The following LRRC4C variants were observed in gnomAD, a reference collection of about 807,000 sequenced individuals.
LRRC4C encodes leucine-rich repeat-containing protein 4C.
In LRRC4C, 5 loss-of-function variants were observed where a neutral mutation model predicts 33.6. That is an observed-to-expected ratio of 0.15 (90% CI 0.08 to 0.31). The LOEUF is 0.31. Among genes scored for constraint, LRRC4C ranks in the 10% least tolerant of loss-of-function variants. The pLI is 1.00. For missense variants in LRRC4C, 560 were observed against 796.7 expected, an observed-to-expected ratio of 0.70 and a Z score of 3.58; for synonymous variants, 329 against 302.0, an observed-to-expected ratio of 1.09 and a Z score of -0.93.
intron 3 of LRRC4C, among the ~76,000 whole-genome samples, chr11:40,392,040 G>T (rs1949357720): frequency 6.6e-6 from 1 of 152,106 alleles, no homozygotes; most frequent in Admixed American, 6.6e-5. Context: ...GAGGAAGCCA[G>T]TATAAAAAGG....
intron 1 of LRRC4C, among the ~76,000 whole-genome samples, chr11:41,422,381 A>G (rs748676684): frequency 5.3e-5 from 8 of 152,036 alleles, no homozygotes; most frequent in African/African-American, 1.9e-4. Context: ...CTGTAGGGAG[A>G]TCTGCCAGTG....
chr11:40,991,114 A>C (rs71484188), intron 1 of LRRC4C, among the ~76,000 whole-genome samples: 2 of 150,964 alleles, frequency 1.3e-5, no homozygotes, highest in Non-Finnish European at 2.9e-5. Flanking sequence ...ATTATTTATC[A>C]CTATGATAAA....
intron 3 of LRRC4C, among the ~76,000 whole-genome samples, chr11:40,627,889 A>G (rs1004569662): frequency 6.6e-6 from 1 of 152,156 alleles, no homozygotes; most frequent in African/African-American, 2.4e-5. Context: ...TTCTGGTGAA[A>G]GAGTCACGTA....
intron 3 of LRRC4C, among the ~76,000 whole-genome samples, chr11:40,556,041 G>C (rs1424136570): frequency 2.0e-5 from 3 of 151,886 alleles, no homozygotes; most frequent in Non-Finnish European, 4.4e-5. Flanking sequence ...TCGGTCTTTA[G>C]ACTTTCCTCC....
intron 1 of LRRC4C, among the ~76,000 whole-genome samples, chr11:41,124,948 G>A (rs1401479580): frequency 6.6e-6 from 1 of 152,102 alleles, no homozygotes; most frequent in East Asian, 1.9e-4. Context: ...ACCCCATCAG[G>A]AATATGAGAA....
At chr11:40,534,688 T>C (rs530862038) in intron 3 of LRRC4C, among the ~76,000 whole-genome samples, 1 of 152,232 alleles carries the variant, frequency 6.6e-6, no homozygotes, top group Non-Finnish European at 1.5e-5. Flanking sequence ...TTTTTCACTA[T>C]AGGCCTCAAT....
chr11:41,244,614 C>T lies in LRRC4C; in HGVS notation c.-496+214817G>A, dbSNP rs1166323072. Among the ~76,000 whole-genome samples, 4 of 152,154 alleles carry T rather than the reference C, an allele frequency of 2.6e-5. No individual in the cohort carries two copies. In the South Asian group the frequency reaches 6.2e-4, roughly 24 times the overall value. ...CAGTAGAGGAGAAGGTCTTATACTG[C>T]TTGAATTACAAACTTTTCTTTTTGG... On this transcript the variant is annotated intron_variant, in intron 1 of 6. Transcript: ENST00000528697.
At chr11:40,811,144 C>T (rs1951470651) in intron 2 of LRRC4C, among the ~76,000 whole-genome samples, 1 of 152,104 alleles carries the variant, frequency 6.6e-6, no homozygotes, top group Admixed American at 6.6e-5. Flanking sequence ...ATTTCTCAAG[C>T]TTTCTTTTTC....
intron 1 of LRRC4C, among the ~76,000 whole-genome samples, chr11:41,060,738 A>G (rs2135360723): frequency 6.6e-6 from 1 of 152,218 alleles, no homozygotes; most frequent in Middle Eastern, 3.4e-3. Flanking sequence ...CCTTCTTAAA[A>G]CTATTTTTAT....
intron 1 of LRRC4C, among the ~76,000 whole-genome samples, chr11:41,174,768 A>G (rs190491291): frequency 6.6e-6 from 1 of 152,046 alleles, no homozygotes; most frequent in Non-Finnish European, 1.5e-5. Flanking sequence ...CTCTTTCTTG[A>G]GCCCTAATTT....
intron 1 of LRRC4C, among the ~76,000 whole-genome samples, chr11:41,444,031 A>G (rs1955741074): frequency 6.6e-6 from 1 of 152,190 alleles, no homozygotes; most frequent in Admixed American, 6.5e-5. Context: ...GCCTCAGAGC[A>G]GTCTGATATT....
chr11:40,477,016 C>A (rs1953270260), intron 3 of LRRC4C, among the ~76,000 whole-genome samples: 1 of 151,988 alleles, frequency 6.6e-6, no homozygotes, highest in East Asian at 1.9e-4. Flanking sequence ...CTTTTAAATT[C>A]CAGCAATAAT....
chr11:41,345,826 C>T (rs1386996952), intron 1 of LRRC4C, among the ~76,000 whole-genome samples: 1 of 152,084 alleles, frequency 6.6e-6, no homozygotes, highest in East Asian at 1.9e-4. Context: ...AAAAAGCTAG[C>T]TTCCTGATGA....
At chr11:40,452,373 T>C (rs563501177) in intron 3 of LRRC4C, among the ~76,000 whole-genome samples, 8 of 152,202 alleles carry the variant, frequency 5.3e-5, no homozygotes, top group African/African-American at 1.9e-4. Flanking sequence ...GGGTGAAGGA[T>C]ATGAACAGAC....
At chr11:40,955,507 C>A (rs969607845) in intron 1 of LRRC4C, among the ~76,000 whole-genome samples, 1 of 151,530 alleles carries the variant, frequency 6.6e-6, no homozygotes, top group African/African-American at 2.4e-5. Flanking sequence ...ATAAATATAC[C>A]TTTTCTTAAT....
At chr11:40,487,670 A>T (rs1006071727) in intron 3 of LRRC4C, among the ~76,000 whole-genome samples, 4 of 152,116 alleles carry the variant, frequency 2.6e-5, no homozygotes, top group Non-Finnish European at 5.9e-5. Context: ...TACAAAAAAA[A>T]TAGAGCTCAT....
chr11:40,816,993 T>C (rs150536973), intron 2 of LRRC4C, among the ~76,000 whole-genome samples: 1 of 152,254 alleles, frequency 6.6e-6, no homozygotes, highest in South Asian at 2.1e-4. Flanking sequence ...CTGATAAGTA[T>C]GTCTCTTTTT....
intron 3 of LRRC4C, among the ~76,000 whole-genome samples, chr11:40,645,762 C>A (rs11035989): frequency 0.21 from 31,990 of 152,040 alleles, 3,663 homozygotes; most frequent in East Asian, 0.47. Flanking sequence ...TGCATCCCAG[C>A]TCCGTGGGTA....
At chr11:40,558,955 G>C (rs1189535701) in intron 3 of LRRC4C, among the ~76,000 whole-genome samples, 1 of 152,074 alleles carries the variant, frequency 6.6e-6, no homozygotes, top group Non-Finnish European at 1.5e-5. Context: ...AGAACATGCA[G>C]TATTTGGTTT....
Sources: gnomAD v4.1 joint callset for allele counts (sites outside exome capture counted in the v4.1 genomes callset) on GRCh38, gnomAD v4.1.1 for gene constraint, MANE v1.5 for transcripts, NCBI Gene and HGNC (gene_info 2026-07-23, HGNC 2026-07-21) for gene names.